The following ARHGAP42 variants were observed in gnomAD, a reference collection of about 807,000 sequenced individuals.
ARHGAP42 encodes Rho GTPase activating protein 42.
Under a neutral mutation model 125.0 loss-of-function variants are expected in ARHGAP42, and 63 were observed. The observed-to-expected ratio is 0.50, with a 90% CI of 0.41 to 0.62. The LOEUF is 0.62. ARHGAP42 is among the 20% of genes least tolerant of loss of function. The pLI, the probability that ARHGAP42 is intolerant of heterozygous loss-of-function variation, is 0.00. For missense variants in ARHGAP42, 766 were observed against 1,024.2 expected (o/e 0.75, Z 3.44); for synonymous variants, 339 against 351.0 (o/e 0.97, Z 0.38).
chr11:100,814,341 G>T (rs1297832164), intron 3 of ARHGAP42, among the ~76,000 whole-genome samples: 1 of 138,648 alleles, frequency 7.2e-6, no homozygotes, highest in African/African-American at 2.7e-5. Flanking sequence ...CCAACCTGGC[G>T]ACAGAGCAAG....
chr11:100,693,064 C>T (rs1861217533), intron 1 of ARHGAP42, among the ~76,000 whole-genome samples: 1 of 152,020 alleles, frequency 6.6e-6, no homozygotes, highest in Non-Finnish European at 1.5e-5. Context: ...TTGAGACTTC[C>T]CATAGTTACT....
At chr11:100,739,260 G>T (rs1200032243) in intron 1 of ARHGAP42, among the ~76,000 whole-genome samples, 2 of 151,356 alleles carry the variant, frequency 1.3e-5, no homozygotes, top group Admixed American at 6.6e-5. Flanking sequence ...TTGACTTTTG[G>T]TAATTAAAAT....
chr11:100,899,190 C>T (rs1165275982), intron 4 of ARHGAP42, among the ~76,000 whole-genome samples: 1 of 152,214 alleles, frequency 6.6e-6, no homozygotes, highest in Non-Finnish European at 1.5e-5. Flanking sequence ...AATTCAATTG[C>T]ACTGTGGTCT....
intron 5 of ARHGAP42, among the ~76,000 whole-genome samples, chr11:100,918,708 A>G (rs1867149370): frequency 1.3e-5 from 2 of 152,208 alleles, no homozygotes; most frequent in South Asian, 4.1e-4. Flanking sequence ...AAACTGTCAT[A>G]TTCCTTAATA....
chr11:100,878,215 G>A (rs536873806), intron 4 of ARHGAP42, among the ~76,000 whole-genome samples: 1 of 151,518 alleles, frequency 6.6e-6, no homozygotes, highest in African/African-American at 2.4e-5. Context: ...CGCAACCTCC[G>A]CCTCCCTGTT....
intron 1 of ARHGAP42, among the ~76,000 whole-genome samples, chr11:100,739,291 T>A (rs1035310189): frequency 1.3e-5 from 2 of 151,812 alleles, no homozygotes; most frequent in Non-Finnish European, 2.9e-5. Context: ...TTTTTTTTTT[T>A]AGTTAAAGTT....
chr11:100,913,589 T>TA, intron 5 of ARHGAP42, 36 bp downstream of exon 5: 1 of 1,136,676 alleles, frequency 8.8e-7, no homozygotes, highest in South Asian at 1.4e-5. Flanking sequence ...GAAAAGGCAT[T>TA]AAGTCATATA....
intron 8 of ARHGAP42, among the ~76,000 whole-genome samples, chr11:100,939,371 A>C (rs1453456871): frequency 4.6e-5 from 7 of 152,158 alleles, no homozygotes; most frequent in Admixed American, 4.6e-4. Flanking sequence ...TACTATGCTT[A>C]CTATTGGGTT....
At chr11:100,958,413 G>A (rs954777858) in intron 12 of ARHGAP42, among the ~76,000 whole-genome samples, 6 of 151,868 alleles carry the variant, frequency 4.0e-5, no homozygotes, top group African/African-American at 1.5e-4. Flanking sequence ...CTAGGACACT[G>A]GGGACAAAGA....
chr11:100,812,109 A>G (rs1258704090), intron 3 of ARHGAP42, among the ~76,000 whole-genome samples: 1 of 152,042 alleles, frequency 6.6e-6, no homozygotes, highest in Non-Finnish European at 1.5e-5. Context: ...CCCTCTCTTC[A>G]GTTTCTTATG....
chr11:100,709,397 G>A (rs1861526535), intron 1 of ARHGAP42, among the ~76,000 whole-genome samples: 1 of 152,196 alleles, frequency 6.6e-6, no homozygotes, highest in South Asian at 2.1e-4. Flanking sequence ...CAGCTCTTAA[G>A]TGACAGATGG....
At chr11:100,885,887 T>G (rs1238389768) in intron 4 of ARHGAP42, among the ~76,000 whole-genome samples, 1 of 152,204 alleles carries the variant, frequency 6.6e-6, no homozygotes, top group Admixed American at 6.6e-5. Context: ...TCTTCAGATT[T>G]TCACAAAAAG....
At chr11:100,776,566 A>G (rs185290922) in intron 2 of ARHGAP42, among the ~76,000 whole-genome samples, 8 of 152,330 alleles carry the variant, frequency 5.3e-5, no homozygotes, top group Admixed American at 1.3e-4. Flanking sequence ...AGTTTGGATC[A>G]AACTATATTT....
chr11:100,698,476 A>G (rs1256894871), intron 1 of ARHGAP42, among the ~76,000 whole-genome samples: 3 of 152,122 alleles, frequency 2.0e-5, no homozygotes, highest in African/African-American at 4.8e-5. Flanking sequence ...GTCTTAAAAA[A>G]AGGTCATTTT....
intron 1 of ARHGAP42, among the ~76,000 whole-genome samples, chr11:100,725,830 G>C (rs1458416070): frequency 4.6e-5 from 7 of 151,356 alleles, no homozygotes; most frequent in Non-Finnish European, 7.4e-5. Context: ...AGCTACTCAG[G>C]AGGCTGTGGC....
chr11:100,749,739 C>T (rs1862399712), intron 1 of ARHGAP42, among the ~76,000 whole-genome samples: 1 of 152,210 alleles, frequency 6.6e-6, no homozygotes, highest in Non-Finnish European at 1.5e-5. Context: ...AGAGGACCCA[C>T]TCGCTCCGTC....
At chr11:100,847,375 A>G (rs368266686) in intron 3 of ARHGAP42, among the ~76,000 whole-genome samples, 2 of 152,304 alleles carry the variant, frequency 1.3e-5, no homozygotes, top group Admixed American at 1.3e-4. Context: ...TGCCATGCGC[A>G]TGGTAGAAAT....
chr11:100,818,693 C>A (rs1014320703), intron 3 of ARHGAP42, among the ~76,000 whole-genome samples: 1 of 152,042 alleles, frequency 6.6e-6, no homozygotes, highest in African/African-American at 2.4e-5. Context: ...GTAAACAGGG[C>A]AGTGAAAGGC....
rs1858785495 is a variant in ARHGAP42, at chr11:100,989,821, T to G, written c.*1020T>G. 1 of 152,190 alleles carries G rather than the reference T, an allele frequency of 6.6e-6. No homozygotes were observed. The highest frequency in any genetic ancestry group is 1.9e-4 in the East Asian group (1 of 5,192). The allele number at this position is 152,190 out of a possible 1,614,324, so 9.4% of individuals were successfully genotyped here. ...TTCTTCTACAAATGAAAAAGATGTTTAAAAACGTTACAAGGGAAGCTATGC... is the reference window on the plus strand; with the variant it reads ...TTCTTCTACAAATGAAAAAGATGTTGAAAAACGTTACAAGGGAAGCTATGC... On this transcript the variant is annotated 3_prime_UTR_variant, in exon 24 of 24. Coordinates refer to ENST00000298815, the MANE Select transcript of ARHGAP42 (RefSeq NM_152432.4).
Sources: allele counts gnomAD v4.1 joint callset (sites outside exome capture counted in the v4.1 genomes callset), GRCh38; gene constraint gnomAD v4.1.1; transcripts MANE v1.5; gene names NCBI Gene and HGNC (gene_info 2026-07-23, HGNC 2026-07-21).